Variants in SPATA1 observed in about 807,000 individuals in gnomAD.
The protein encoded by SPATA1 is spermatogenesis associated 1.
In SPATA1, 57 loss-of-function variants were observed where a neutral mutation model predicts 59.6. The ratio of observed to expected loss-of-function variants is 0.96; its 90% CI spans 0.77 to 1.19. The LOEUF (loss-of-function observed/expected upper bound fraction) is 1.19, where lower values mean the gene tolerates loss of function less well. Among genes scored for constraint, SPATA1 ranks in the 50% most tolerant of loss-of-function variants. SPATA1 has a pLI of 0.00. For synonymous variants in SPATA1, 147 were observed against 163.9 expected (o/e 0.90, Z 0.79); for missense variants, 448 against 480.7 (o/e 0.93, Z 0.64).
chr1:84,566,308 T>G (rs1395615070), downstream of SPATA1: 1 of 161,466 alleles, frequency 6.2e-6, no homozygotes, highest in East Asian at 1.7e-4. Flanking sequence ...GTACCTCAGC[T>G]GATTAAAAGA....
exon 9 of SPATA1, chr1:84,544,202 A>ATTC (rs1467377504): frequency 6.3e-7 from 1 of 1,583,372 alleles, no homozygotes; most frequent in Admixed American, 1.7e-5. Flanking sequence ...TTGCTTACAG[A>ATTC]CAGCTGAAAA....
At chr1:84,521,154 A>C (rs903825959) in intron 3 of SPATA1, among the ~76,000 whole-genome samples, 2 of 138,820 alleles carry the variant, frequency 1.4e-5, no homozygotes, top group East Asian at 5.1e-4. Flanking sequence ...AAAGAGGGAG[A>C]GAGAAGAAGG....
chr1:84,520,577 T>G lies in SPATA1; in HGVS notation c.37-8T>G. 1.3e-6 allele frequency: 2 copies of G among 1,482,276 alleles called. No individual in the cohort carries two copies. The highest frequency in any genetic ancestry group is 1.8e-6 in the Non-Finnish European group (2 of 1,099,560). The allele number at this position is 1,482,276 out of a possible 1,614,324, so 91.8% of individuals were successfully genotyped here. On this transcript the variant is annotated splice_polypyrimidine_tract_variant and splice_region_variant and intron_variant, in intron 2 of 12. Coordinates refer to ENST00000490879, the Ensembl canonical transcript of SPATA1. ...TATTTTAACCGATGTTCTTCTCAAT[T>G]TATTCAGTTGGTGGAACTTCATGTT...
chr1:84,566,955 C>T (rs1225704628), downstream of SPATA1, among the ~76,000 whole-genome samples: 1 of 152,168 alleles, frequency 6.6e-6, no homozygotes, highest in Non-Finnish European at 1.5e-5. Context: ...AATAGTGAGC[C>T]AGCCTTCAAC....
intron 1 of SPATA1, among the ~76,000 whole-genome samples, chr1:84,514,230 T>C (rs1682700943): frequency 6.6e-6 from 1 of 152,198 alleles, no homozygotes; most frequent in African/African-American, 2.4e-5. Context: ...GGGCTCATCT[T>C]TTTACATCAG....
At chr1:84,538,532 A>C (rs1426190559) in intron 8 of SPATA1, among the ~76,000 whole-genome samples, 1 of 152,214 alleles carries the variant, frequency 6.6e-6, no homozygotes, top group Non-Finnish European at 1.5e-5. Context: ...CTATCAATTC[A>C]GAGAAATTTC....
At chr1:84,549,029 C>G in intron 11 of SPATA1, 65 bp downstream of exon 11, 1 of 1,372,240 alleles carries the variant, frequency 7.3e-7, no homozygotes, top group South Asian at 2.0e-5. Context: ...TTTATAAGTG[C>G]TAGTAGTATC....
chr1:84,550,336 T>A, intron 11 of SPATA1, 96 bp from the exon 12 acceptor site: 1 of 546,146 alleles, frequency 1.8e-6, no homozygotes, highest in Non-Finnish European at 2.9e-6. Context: ...GATTTACTCT[T>A]TTGATCTTTA....
intron 8 of SPATA1, among the ~76,000 whole-genome samples, chr1:84,536,610 AT>A (rs983239469): frequency 1.3e-5 from 2 of 151,748 alleles, no homozygotes; most frequent in Non-Finnish European, 2.9e-5. Flanking sequence ...CGCCCGGCTA[AT>A]TTTTTTGTAT....
intron 8 of SPATA1, among the ~76,000 whole-genome samples, chr1:84,541,384 C>T (rs1356595741): frequency 6.6e-6 from 1 of 151,810 alleles, no homozygotes; most frequent in East Asian, 1.9e-4. Flanking sequence ...ATATCTGCCA[C>T]TTTCATTCTG....
chr1:84,551,302 G>A, intron 12 of SPATA1: 1 of 976,126 alleles, frequency 1.0e-6, no homozygotes. Context: ...TCTAGAATTA[G>A]CTCTTTTTAA....
chr1:84,526,867 CA>C (rs761804155), intron 6 of SPATA1, among the ~76,000 whole-genome samples: 14,818 of 60,616 alleles, frequency 0.24, 731 homozygotes, highest in African/African-American at 0.34. Context: ...GACTTTGTCT[CA>C]AAAAAAAAAA....
intron 12 of SPATA1, chr1:84,550,949 A>C (rs1265929670): frequency 1.0e-6 from 1 of 978,942 alleles, no homozygotes; most frequent in Non-Finnish European, 1.2e-6. Context: ...CTATTATTTA[A>C]ATATGAATAA....
chr1:84,538,232 C>G (rs1241759902), intron 8 of SPATA1, among the ~76,000 whole-genome samples: 1 of 152,210 alleles, frequency 6.6e-6, no homozygotes, highest in Non-Finnish European at 1.5e-5. Flanking sequence ...CAAATTATTA[C>G]AGCCTGATGC....
intron 4 of SPATA1, chr1:84,563,662 T>C: frequency 1.1e-6 from 1 of 920,460 alleles, no homozygotes. Context: ...GTTTATATAT[T>C]TCTAATGAAA....
chr1:84,517,743 G>T (rs1229601066), intron 2 of SPATA1, among the ~76,000 whole-genome samples: 1 of 151,916 alleles, frequency 6.6e-6, no homozygotes, highest in Non-Finnish European at 1.5e-5. Context: ...ACTTCCAAGG[G>T]ATTGACTCCA....
intron 10 of SPATA1, among the ~76,000 whole-genome samples, chr1:84,548,334 A>G (rs1684156554): frequency 6.6e-6 from 1 of 151,468 alleles, no homozygotes; most frequent in Non-Finnish European, 1.5e-5. Flanking sequence ...TTTAATTTCT[A>G]ATGATTAATT....
chr1:84,517,028 A>C (rs1041062078), intron 2 of SPATA1, among the ~76,000 whole-genome samples: 1 of 152,138 alleles, frequency 6.6e-6, no homozygotes, highest in African/African-American at 2.4e-5. Flanking sequence ...AACTGCGGTC[A>C]AGATTTCACC....
intron 8 of SPATA1, among the ~76,000 whole-genome samples, chr1:84,537,719 T>G (rs1277679211): frequency 6.6e-6 from 1 of 152,218 alleles, no homozygotes; most frequent in Non-Finnish European, 1.5e-5. Flanking sequence ...GGCAATGGCT[T>G]TGATGTGATT....
Sources: allele counts gnomAD v4.1 joint callset (sites outside exome capture counted in the v4.1 genomes callset), GRCh38; gene constraint gnomAD v4.1.1; transcripts MANE v1.5; gene names NCBI Gene and HGNC (gene_info 2026-07-23, HGNC 2026-07-21).